TBC1D5: variants seen among roughly 807,000 people sequenced by gnomAD.
TBC1D5 encodes TBC1 domain family member 5.
TBC1D5 carries 75 observed loss-of-function variants against 100.3 expected under a neutral mutation model. The ratio of observed to expected loss-of-function variants is 0.75; its 90% CI spans 0.62 to 0.91. The LOEUF is 0.91. Ranked by LOEUF, TBC1D5 falls within the 40% of genes least tolerant of loss-of-function variation. The pLI is 0.00. For missense variants in TBC1D5, 910 were observed against 942.4 expected, an observed-to-expected ratio of 0.97 and a Z score of 0.45; for synonymous variants, 323 against 325.6, an observed-to-expected ratio of 0.99 and a Z score of 0.09.
At chr3:17,244,980 G>A (rs1264420809) in intron 16 of TBC1D5, among the ~76,000 whole-genome samples, 2 of 131,260 alleles carry the variant, frequency 1.5e-5, no homozygotes, top group Non-Finnish European at 3.1e-5. Context: ...AAGCCCAGGA[G>A]TTCAAGACCA....
intron 1 of TBC1D5, among the ~76,000 whole-genome samples, chr3:17,663,928 CA>C (rs541586846): frequency 2.6e-5 from 4 of 151,624 alleles, no homozygotes; most frequent in African/African-American, 4.8e-5. Context: ...GTAATAGATG[CA>C]AAAAAAATCC....
chr3:17,536,209 G>T (rs1026181260), intron 2 of TBC1D5, among the ~76,000 whole-genome samples: 5 of 152,038 alleles, frequency 3.3e-5, no homozygotes, highest in African/African-American at 1.2e-4. Flanking sequence ...GCTTAATACA[G>T]ATCTGTTTCT....
chr3:17,534,240 G>A (rs2096262410), intron 2 of TBC1D5, among the ~76,000 whole-genome samples: 1 of 152,016 alleles, frequency 6.6e-6, no homozygotes, highest in South Asian at 2.1e-4. Context: ...ATACTATGGG[G>A]AGAAATTTAA....
intron 2 of TBC1D5, among the ~76,000 whole-genome samples, chr3:17,603,735 G>C (rs1487881689): frequency 6.6e-6 from 1 of 151,880 alleles, no homozygotes; most frequent in Admixed American, 6.6e-5. Context: ...GCGCAATCTC[G>C]GGTCACTACA....
intron 2 of TBC1D5, among the ~76,000 whole-genome samples, chr3:17,540,545 C>T (rs1304099230): frequency 6.6e-6 from 1 of 151,934 alleles, no homozygotes; most frequent in Non-Finnish European, 1.5e-5. Flanking sequence ...GTGGCTATCC[C>T]GTTTTCCCAG....
At chr3:17,709,824 T>C (rs1043486933) in intron 1 of TBC1D5, among the ~76,000 whole-genome samples, 3 of 152,180 alleles carry the variant, frequency 2.0e-5, no homozygotes, top group Admixed American at 6.6e-5. Flanking sequence ...AAAAGTCATG[T>C]ACTTGAAGCT....
chr3:17,715,707 T>G (rs2075166912), intron 1 of TBC1D5, among the ~76,000 whole-genome samples: 1 of 150,974 alleles, frequency 6.6e-6, no homozygotes, highest in African/African-American at 2.4e-5. Context: ...GAGGCTGAGG[T>G]GGAAAGATCG....
intron 1 of TBC1D5, among the ~76,000 whole-genome samples, chr3:17,677,688 C>T (rs2068826968): frequency 6.6e-6 from 1 of 152,204 alleles, no homozygotes; most frequent in Non-Finnish European, 1.5e-5. Flanking sequence ...TATAAAGACA[C>T]ATGCACACGT....
intron 16 of TBC1D5, among the ~76,000 whole-genome samples, chr3:17,256,284 T>C (rs1177885671): frequency 6.6e-6 from 1 of 151,798 alleles, no homozygotes; most frequent in Non-Finnish European, 1.5e-5. Context: ...TACTACATTT[T>C]ATTTAGTTGA....
intron 20 of TBC1D5, among the ~76,000 whole-genome samples, chr3:17,167,399 G>C (rs2066735544): frequency 6.6e-6 from 1 of 152,196 alleles, no homozygotes; most frequent in African/African-American, 2.4e-5. Context: ...GCCTGCTGTA[G>C]GTACTAATTA....
intron 1 of TBC1D5, among the ~76,000 whole-genome samples, chr3:17,707,755 C>T (rs557979097): frequency 1.3e-5 from 2 of 152,022 alleles, no homozygotes; most frequent in African/African-American, 4.8e-5. Context: ...AAAATATATC[C>T]TTTTCTCCAG....
At chr3:17,671,566 A>G (rs1209507830) in intron 1 of TBC1D5, among the ~76,000 whole-genome samples, 1 of 152,260 alleles carries the variant, frequency 6.6e-6, no homozygotes, top group Admixed American at 6.5e-5. Context: ...GACTTAATAA[A>G]GTACAAAACA....
At chr3:17,500,933 A>C (rs1424623863) in intron 3 of TBC1D5, among the ~76,000 whole-genome samples, 1 of 149,450 alleles carries the variant, frequency 6.7e-6, no homozygotes, top group African/African-American at 2.5e-5. Context: ...GAACAGCTTA[A>C]TTTAGAGGAA....
chr3:17,197,967 G>A (rs1419059459), intron 18 of TBC1D5, among the ~76,000 whole-genome samples: 1 of 152,164 alleles, frequency 6.6e-6, no homozygotes, highest in Non-Finnish European at 1.5e-5. Flanking sequence ...AGCCCAGGAG[G>A]TGGAGGTTGC....
At chr3:17,649,060 A>C (rs544435218) in intron 1 of TBC1D5, among the ~76,000 whole-genome samples, 30 of 152,332 alleles carry the variant, frequency 2.0e-4, no homozygotes, top group Non-Finnish European at 4.1e-4. Context: ...CACAATAGGA[A>C]ACACATGGAA....
rs982626275 is a variant in TBC1D5 at position 17,652,730 on chromosome 3, C to G, written c.-100-28817G>C. 5.3e-5 allele frequency among the ~76,000 whole-genome samples: 8 copies of G among 152,190 alleles called. No homozygotes were observed. In the South Asian group the frequency reaches 8.3e-4, roughly 16 times the overall value. On this transcript the variant is annotated intron_variant, in intron 1 of 21. Transcript: ENST00000253692. ...TCTACAAAGAATATTTCTGCAGCAC[C>G]CTGATTATTCTGTAACAGAATTAGA...
rs886730030 is a variant in TBC1D5 at position 17,647,112 on chromosome 3, A to G, written c.-100-23199T>C. On this transcript the variant is annotated intron_variant, in intron 1 of 21. Coordinates refer to ENST00000253692, the Ensembl canonical transcript of TBC1D5. Reference sequence around the variant, plus strand: ...TGCTCCCACGTCAAATAAACAGGCAAATATTTTCAGGTTCTGAAACACACC... The same window carrying G: ...TGCTCCCACGTCAAATAAACAGGCAGATATTTTCAGGTTCTGAAACACACC... The G allele has an allele frequency of 7.2e-5, 11 of 152,264 alleles. No homozygotes were observed. The East Asian group carries it at 2.1e-3, about 29-fold the overall frequency. 9.4% of individuals were successfully genotyped at this position (152,264 alleles called of 1,614,324 possible).
At chr3:17,726,036 G>A (rs182027145) in intron 1 of TBC1D5, among the ~76,000 whole-genome samples, 90 of 152,222 alleles carry the variant, frequency 5.9e-4, no homozygotes, top group Non-Finnish European at 1.1e-3. Context: ...TTGTTACAAC[G>A]GACATGATGT....
At position 17,167,845 on chromosome 3, in the gene TBC1D5, G is replaced by C. The variant is rs867398209; in HGVS notation, c.1853-17C>G. The C allele has an allele frequency of 6.5e-7, 1 of 1,547,250 alleles. No homozygotes were observed. Among genetic ancestry groups the C allele is most frequent in the Middle Eastern group, 1.7e-4 (1 of 5,894 alleles). ...GAATATTTACTGAAAATAGAAGAATGACATTTTATAACCAATGCTCTGAGC... is the reference window on the plus strand; with the variant it reads ...GAATATTTACTGAAAATAGAAGAATCACATTTTATAACCAATGCTCTGAGC... On this transcript the variant is annotated splice_polypyrimidine_tract_variant and intron_variant, in intron 19 of 21. Transcript: ENST00000253692.
Sources: allele counts gnomAD v4.1 joint callset (sites outside exome capture counted in the v4.1 genomes callset), GRCh38; gene constraint gnomAD v4.1.1; transcripts MANE v1.5; gene names NCBI Gene and HGNC (gene_info 2026-07-23, HGNC 2026-07-21).